C16orf87: variants seen among roughly 807,000 people sequenced by gnomAD.
C16orf87 encodes the protein UPF0547 protein C16orf87.
In C16orf87, 13 loss-of-function variants were observed where a neutral mutation model predicts 21.0. The ratio of observed to expected loss-of-function variants is 0.62; its 90% CI spans 0.40 to 0.98. C16orf87 has a LOEUF of 0.98. C16orf87 is among the 50% of genes least tolerant of loss of function. The probability of loss-of-function intolerance (pLI) is 0.00; values close to 1 mark genes in which losing one functional copy is unlikely to be tolerated. For synonymous variants in C16orf87, 49 were observed against 60.2 expected (o/e 0.81, Z 0.86); for missense variants, 113 against 180.4 (o/e 0.63, Z 2.14).
chr16:46,817,123 A>T (rs867254398), intron 2 of C16orf87, among the ~76,000 whole-genome samples: 1 of 152,202 alleles, frequency 6.6e-6, no homozygotes, highest in Non-Finnish European at 1.5e-5. Flanking sequence ...AATGAAAAGA[A>T]AAGGAAATGG....
chr16:46,809,996 T>C (rs547919971), intron 2 of C16orf87, among the ~76,000 whole-genome samples: 1 of 152,180 alleles, frequency 6.6e-6, no homozygotes, highest in South Asian at 2.1e-4. Context: ...ACACATGAAG[T>C]AGGAGGAATC....
In C16orf87 at chr16:46,802,884, T is replaced by G. The variant is rs544455080; in HGVS notation, c.*68A>C. The G allele has an allele frequency of 2.6e-6, 2 of 775,498 alleles. No individual in the cohort carries two copies. The highest frequency in any genetic ancestry group is 4.6e-6 in the Non-Finnish European group (2 of 432,292). 48.0% of individuals were successfully genotyped at this position (775,498 alleles called of 1,614,324 possible). The stretch of plus-strand genomic sequence containing the variant: ...GATGCAGTCAGAATGCTCCTGAGAG[T>G]CCATAACTGTTTGAGAATTTGCTGA... On this transcript the variant is annotated 3_prime_UTR_variant, in exon 4 of 4. Coordinates refer to ENST00000285697, the MANE Select transcript of C16orf87 (RefSeq NM_001001436.4).
At chr16:46,813,268 C>T (rs1442309154) in intron 2 of C16orf87, among the ~76,000 whole-genome samples, 1 of 152,088 alleles carries the variant, frequency 6.6e-6, no homozygotes, top group Non-Finnish European at 1.5e-5. Context: ...TCTGTTACTC[C>T]TACTACTTTC....
intron 1 of C16orf87, 60 bp from the exon 2 acceptor site, chr16:46,824,542 TG>T (rs1959544095): frequency 1.4e-6 from 1 of 715,390 alleles, no homozygotes; most frequent in South Asian, 2.0e-5. Context: ...AATTTCTCAG[TG>T]TCTATGTGGT....
At chr16:46,808,272 G>A (rs916180372) in intron 3 of C16orf87, 6 of 349,082 alleles carry the variant, frequency 1.7e-5, no homozygotes, top group South Asian at 6.8e-5. Flanking sequence ...AGTCAAAACC[G>A]ATATAAACCT....
At chr16:46,820,947 T>C (rs1427396990) in intron 2 of C16orf87, among the ~76,000 whole-genome samples, 1 of 152,266 alleles carries the variant, frequency 6.6e-6, no homozygotes, top group East Asian at 1.9e-4. Context: ...GTGAAGTTGG[T>C]TATCTTTCAG....
chr16:46,816,420 A>C (rs1040481716), intron 2 of C16orf87, among the ~76,000 whole-genome samples: 2 of 152,236 alleles, frequency 1.3e-5, no homozygotes, highest in Admixed American at 6.5e-5. Context: ...TATTTTCAAA[A>C]TTCTATGAAA....
rs553222139 is a variant in C16orf87 at position 46,807,189 on chromosome 16, C to T, written c.346+2414G>A. Among the ~76,000 whole-genome samples, 123 of 152,312 alleles carry T rather than the reference C, an allele frequency of 8.1e-4. 1 individual carries two copies. The highest frequency in any genetic ancestry group is 3.5e-4 in the Non-Finnish European group (24 of 68,030). On this transcript the variant is annotated intron_variant, in intron 3 of 3. Coordinates refer to ENST00000285697, the MANE Select transcript of C16orf87 (RefSeq NM_001001436.4). ...CAGTGGCTCATGCATGCCTGCAATC[C>T]CAGCACTTTGGAAAGCCAAGCTGAA... is the stretch of plus-strand genomic sequence containing the variant.
At chr16:46,823,502 C>T (rs1389403440) in intron 2 of C16orf87, among the ~76,000 whole-genome samples, 1 of 152,210 alleles carries the variant, frequency 6.6e-6, no homozygotes, top group East Asian at 1.9e-4. Flanking sequence ...AATTTGTCTA[C>T]GTTAATGGAA....
intron 3 of C16orf87, among the ~76,000 whole-genome samples, chr16:46,805,107 A>G (rs1259731034): frequency 6.6e-6 from 1 of 152,174 alleles, no homozygotes; most frequent in Non-Finnish European, 1.5e-5. Flanking sequence ...GGGAATTTGT[A>G]GGCCCTTTTA....
At chr16:46,807,712 T>C (rs1221439311) in intron 3 of C16orf87, among the ~76,000 whole-genome samples, 2 of 152,216 alleles carry the variant, frequency 1.3e-5, no homozygotes, top group Non-Finnish European at 2.9e-5. Flanking sequence ...CAAAAATTAA[T>C]TTAAGTAATT....
In C16orf87 at chr16:46,800,731, A is replaced by G. The variant is rs971865456; in HGVS notation, c.*2221T>C. The G allele has an allele frequency of 6.6e-6, 1 of 152,188 alleles. No individual in the cohort carries two copies. Among genetic ancestry groups the G allele is most frequent in the Non-Finnish European group, 1.5e-5 (1 of 68,020 alleles). The allele number at this position is 152,188 out of a possible 1,614,324, so 9.4% of individuals were successfully genotyped here. ...TGACAAAGTAATATTTTCTGGGACC[A>G]TTACAACATGCCTAGACAAATTAAA... On this transcript the variant is annotated 3_prime_UTR_variant, in exon 4 of 4. Coordinates refer to ENST00000285697, the MANE Select transcript of C16orf87 (RefSeq NM_001001436.4).
chr16:46,808,107 G>T (rs970393892), intron 3 of C16orf87: 6 of 455,750 alleles, frequency 1.3e-5, no homozygotes, highest in African/African-American at 1.2e-4. Flanking sequence ...TTCTAAAATA[G>T]GAGTCCTCGG....
intron 2 of C16orf87, 45 bp downstream of exon 2, chr16:46,824,341 C>T (rs762116537): frequency 2.3e-6 from 2 of 855,214 alleles, no homozygotes; most frequent in Non-Finnish European, 3.8e-6. Context: ...ATTAACTTTA[C>T]ATTTCTACAT....
intron 1 of C16orf87, among the ~76,000 whole-genome samples, chr16:46,830,307 A>AGAGAGAGAGAGAGAGAGTGT (rs758468161): frequency 2.7e-5 from 3 of 109,240 alleles, no homozygotes; most frequent in Admixed American, 1.0e-4. Context: ...AGAGAGAGAG[A>AGAGAGAGAGAGAGAGAGTGT]GACACACAGA....
Position 46,802,949 on chromosome 16 carries a change from GTA to G in C16orf87, c.*1_*2del. The G allele has an allele frequency of 7.2e-7, 1 of 1,397,984 alleles. No homozygotes were observed. The highest frequency in any genetic ancestry group is 1.0e-6 in the Non-Finnish European group (1 of 990,780). The allele number at this position is 1,397,984 out of a possible 1,614,324, so 86.6% of individuals were successfully genotyped here. On this transcript the variant is annotated 3_prime_UTR_variant, in exon 4 of 4. Transcript: ENST00000285697. Reference sequence around the variant, plus strand: ...AAGTTTCAGCAGATTTTGCAAACAAGTATCAGAGAATAAGTCTTTGATTGATA... The same window carrying G: ...AAGTTTCAGCAGATTTTGCAAACAAGTCAGAGAATAAGTCTTTGATTGATA...
chr16:46,817,916 CAA>C (rs1056745014), intron 2 of C16orf87, among the ~76,000 whole-genome samples: 72 of 68,278 alleles, frequency 1.1e-3, no homozygotes, highest in African/African-American at 3.4e-3. Flanking sequence ...CATCAAAAAG[CAA>C]AAAAAAAAAA....
intron 3 of C16orf87, among the ~76,000 whole-genome samples, chr16:46,806,120 C>T (rs1478623535): frequency 6.6e-6 from 1 of 152,176 alleles, no homozygotes; most frequent in African/African-American, 2.4e-5. Flanking sequence ...TACTTCCAGA[C>T]ATAACTGATA....
At chr16:46,809,820 C>A in intron 2 of C16orf87, 35 bp from the exon 3 acceptor site, 1 of 1,416,802 alleles carries the variant, frequency 7.1e-7, no homozygotes, top group South Asian at 1.2e-5. Flanking sequence ...TATTTTAGGG[C>A]TTAGCAAGAA....
Sources: gnomAD v4.1 joint callset for allele counts (sites outside exome capture counted in the v4.1 genomes callset) on GRCh38, gnomAD v4.1.1 for gene constraint, MANE v1.5 for transcripts, NCBI Gene and HGNC (gene_info 2026-07-23, HGNC 2026-07-21) for gene names.